The following NLRP2 variants were observed in gnomAD, a reference collection of about 807,000 sequenced individuals.
NLRP2 encodes the protein NACHT, LRR and PYD domains-containing protein 2.
NLRP2 carries 107 observed loss-of-function variants against 97.2 expected under a neutral mutation model. The ratio of observed to expected loss-of-function variants is 1.10; its 90% CI spans 0.94 to 1.29. NLRP2 has a LOEUF of 1.29. Ranked by LOEUF, NLRP2 falls within the 50% of genes most tolerant of loss-of-function variation. NLRP2 has a pLI of 0.00. For missense variants in NLRP2, 1,495 were observed against 1,330.3 expected, an observed-to-expected ratio of 1.12 and a Z score of -1.93; for synonymous variants, 663 against 551.5, an observed-to-expected ratio of 1.20 and a Z score of -2.83.
intron 3 of NLRP2, among the ~76,000 whole-genome samples, chr19:54,975,957 A>AG (rs2071204960): frequency 6.6e-6 from 1 of 151,140 alleles, no homozygotes; most frequent in Non-Finnish European, 1.5e-5. Flanking sequence ...CTATGTTGCC[A>AG]GATATGGTGT....
intron 10 of NLRP2, among the ~76,000 whole-genome samples, chr19:54,992,525 T>C (rs1005053618): frequency 4.7e-4 from 65 of 137,732 alleles, no homozygotes; most frequent in African/African-American, 1.7e-3. Context: ...GTGTGGTGTG[T>C]GTGGTATTTT....
intron 3 of NLRP2, among the ~76,000 whole-genome samples, chr19:54,977,528 T>C (rs2071318836): frequency 6.7e-6 from 1 of 150,230 alleles, no homozygotes; most frequent in Admixed American, 6.7e-5. Flanking sequence ...TGTGTGTCTT[T>C]CACACCATGT....
At chr19:54,972,269 C>T (rs889655771) in intron 2 of NLRP2, among the ~76,000 whole-genome samples, 3 of 152,032 alleles carry the variant, frequency 2.0e-5, no homozygotes, top group Admixed American at 6.6e-5. Context: ...GCAACTCCCG[C>T]CCCCTGGGTT....
rs61212213 is a variant in NLRP2 at position 54,968,701 on chromosome 19, C to CTTTTTTTTTTTTTTTTTTTTTTTTTT, written c.-17-1286_-17-1285insTTTTTTTTTTTTTTTTTTTTTTTTTT. 1.2e-4 allele frequency among the ~76,000 whole-genome samples: 14 copies of CTTTTTTTTTTTTTTTTTTTTTTTTTT among 114,346 alleles called. 2 individuals carry two copies. Among genetic ancestry groups the CTTTTTTTTTTTTTTTTTTTTTTTTTT allele is most frequent in the African/African-American group, 5.2e-4 (14 of 26,792 alleles). The allele number at this position is 114,346 out of a possible 152,430, so 75.0% of individuals were successfully genotyped here. On this transcript the variant is annotated intron_variant, in intron 1 of 12. Transcript: ENST00000448584. ...CTCCACCACTAAGTTATCTTTAAGC[C>CTTTTTTTTTTTTTTTTTTTTTTTTTT]TTTTTTTTTTTTGAGACAGTTTCAC...
At position 54,982,272 on chromosome 19, in the gene NLRP2, C is replaced by T. The variant is rs375069245; in HGVS notation, c.574C>T (p.Leu192=). 1 of 1,614,092 alleles carries T rather than the reference C, an allele frequency of 6.2e-7. No individual in the cohort carries two copies. Among genetic ancestry groups the T allele is most frequent in the South Asian group, 1.1e-5 (1 of 91,086 alleles). ...VQVMAERYKM[L]IPFSNPRVLP... ...GGTTATGGCTGAGAGATACAAGATGCTGATCCCATTCAGCAACCCCAGGGT... is the reference window on the plus strand; with the variant it reads ...GGTTATGGCTGAGAGATACAAGATGTTGATCCCATTCAGCAACCCCAGGGT... The change falls in exon 6 of 13, where the codon CTG becomes TTG. Residue 192 remains leucine, a synonymous_variant. Coordinates refer to ENST00000448584, the MANE Select transcript of NLRP2 (RefSeq NM_017852.5).
At chr19:54,989,029 C>T (rs1201876200) in intron 8 of NLRP2, among the ~76,000 whole-genome samples, 1 of 151,930 alleles carries the variant, frequency 6.6e-6, no homozygotes, top group Non-Finnish European at 1.5e-5. Flanking sequence ...GTGATCTCGG[C>T]TTACTGCAAC....
At chr19:54,994,494 C>G in intron 11 of NLRP2, 55 bp downstream of exon 11, 1 of 1,584,626 alleles carries the variant, frequency 6.3e-7, no homozygotes, top group South Asian at 1.1e-5. Flanking sequence ...GAATCTGTGG[C>G]TAGTGTAAAA....
In NLRP2 at chr19:54,983,552, G is replaced by A. The variant is rs780022169; in HGVS notation, c.1854G>A (p.Val618=). The A allele has an allele frequency of 2.5e-6, 4 of 1,614,220 alleles. No individual in the cohort carries two copies. The highest frequency in any genetic ancestry group is 3.4e-6 in the Non-Finnish European group (4 of 1,180,042). ...ACGAGTCTCAGGAGGAGGAGCTGGT[G>A]AAGGAGGTGATGGCTCAGTTCAAAG... ...CLYESQEEEL[V]KEVMAQFKEI... The change falls in exon 6 of 13, where the codon GTG becomes GTA. Residue 618 remains valine (V), a synonymous_variant. Coordinates refer to ENST00000448584, the MANE Select transcript of NLRP2 (RefSeq NM_017852.5).
At chr19:54,996,652 A>G (rs1446376031) in intron 11 of NLRP2, among the ~76,000 whole-genome samples, 9 of 151,796 alleles carry the variant, frequency 5.9e-5, no homozygotes, top group Non-Finnish European at 1.0e-4. Flanking sequence ...CATCTTGACA[A>G]TCCTCCCTGT....
chr19:54,983,779 G>GC, intron 6 of NLRP2, 51 bp downstream of exon 6: 1 of 1,599,388 alleles, frequency 6.3e-7, no homozygotes, highest in Non-Finnish European at 8.5e-7. Flanking sequence ...CTCATCCCAT[G>GC]CCCCCTTAGG....
At chr19:54,969,522 G>A (rs1008172751) in intron 1 of NLRP2, among the ~76,000 whole-genome samples, 1 of 152,092 alleles carries the variant, frequency 6.6e-6, no homozygotes, top group African/African-American at 2.4e-5. Context: ...GAGCGTGGTG[G>A]TGGGTGCCCA....
chr19:54,968,858 C>G (rs928391304), intron 1 of NLRP2, among the ~76,000 whole-genome samples: 1 of 152,072 alleles, frequency 6.6e-6, no homozygotes, highest in South Asian at 2.1e-4. Context: ...CCTGCCACCA[C>G]GCCCGGCTAA....
Position 54,981,613 on chromosome 19 carries a change from G to T in NLRP2, c.398-4G>T, listed in dbSNP as rs776137964. On this transcript the variant is annotated splice_polypyrimidine_tract_variant and splice_region_variant and intron_variant, in intron 4 of 12. Transcript: ENST00000448584. Reference sequence around the variant, plus strand: ...TCAATCTCACATGAGTTTGTATTTTGTAGCGTTTACAGAAACGAAAGGAAA... The same window carrying T: ...TCAATCTCACATGAGTTTGTATTTTTTAGCGTTTACAGAAACGAAAGGAAA... The T allele has an allele frequency of 4.2e-6, 6 of 1,422,164 alleles. No individual in the cohort carries two copies. The African/African-American group carries it at 9.3e-5, about 22-fold the overall frequency. The allele number at this position is 1,422,164 out of a possible 1,614,324, so 88.1% of individuals were successfully genotyped here.
chr19:54,984,329 G>GTGTGTTTTTTTTTTTGTTTT, intron 6 of NLRP2, among the ~76,000 whole-genome samples: 5 of 79,670 alleles, frequency 6.3e-5, no homozygotes, highest in Non-Finnish European at 7.5e-5. Context: ...TTTTTTTTGT[G>GTGTGTTTTTTTTTTTGTTTT]TTTTTTTTTT....
chr19:54,997,824 T>C (rs949577634), intron 12 of NLRP2, among the ~76,000 whole-genome samples: 2 of 148,076 alleles, frequency 1.4e-5, no homozygotes, highest in African/African-American at 5.0e-5. Context: ...AGCAGCACAA[T>C]GATGGCTCGC....
At chr19:54,993,613 G>C (rs549794796) in intron 10 of NLRP2, 2 of 160,300 alleles carry the variant, frequency 1.2e-5, no homozygotes, top group African/African-American at 4.8e-5. Context: ...GGGAGGCCAG[G>C]GTGGGCAGAT....
chr19:54,980,212 T>G (rs559593049), intron 4 of NLRP2, among the ~76,000 whole-genome samples: 42 of 151,016 alleles, frequency 2.8e-4, no homozygotes, highest in East Asian at 1.2e-3. Context: ...GTTTTGTTTT[T>G]TTTTTTGAGA....
Position 54,982,180 on chromosome 19 carries a change from G to A in NLRP2, c.482G>A (p.Arg161Lys), listed in dbSNP as rs368735684. The A allele has an allele frequency of 1.7e-5, 27 of 1,613,998 alleles. No individual in the cohort carries two copies. Among genetic ancestry groups the A allele is most frequent in the Non-Finnish European group, 2.0e-5 (24 of 1,180,046 alleles). The change falls in exon 6 of 13, where the codon AGG becomes AAG. Residue 161 changes from arginine (R) to lysine (K), a missense_variant. Physicochemically the swap from Arg to Lys is conservative, Grantham distance 26 (BLOSUM62 2). Coordinates refer to ENST00000448584, the MANE Select transcript of NLRP2 (RefSeq NM_017852.5). ...GATAAAGACAAAGACAATAGGTGCA[G>A]GTATATATTGAAGACGAAGTTCCGG... The part of the protein sequence containing the change: ...GKKPDKDNRC[R>K]YILKTKFREM...
intron 3 of NLRP2, among the ~76,000 whole-genome samples, chr19:54,976,065 T>G (rs926840011): frequency 6.6e-6 from 1 of 151,908 alleles, no homozygotes; most frequent in Non-Finnish European, 1.5e-5. Context: ...ACTTTTTTTT[T>G]TTGGACAAAG....
Sources: gnomAD v4.1 joint callset for allele counts (sites outside exome capture counted in the v4.1 genomes callset) on GRCh38, gnomAD v4.1.1 for gene constraint, MANE v1.5 for transcripts, NCBI Gene and HGNC (gene_info 2026-07-23, HGNC 2026-07-21) for gene names.